Variants in ABCA13 observed in about 807,000 individuals in gnomAD.
ABCA13 encodes the protein ATP-binding cassette sub-family A member 13.
Under a neutral mutation model 478.7 loss-of-function variants are expected in ABCA13, and 476 were observed. The observed-to-expected ratio is 0.99, with a 90% CI of 0.92 to 1.07. ABCA13 has a LOEUF of 1.07. Ranked by LOEUF, ABCA13 falls within the 50% of genes least tolerant of loss-of-function variation. The pLI is 0.00. For missense variants in ABCA13, 6,060 were observed against 5,910.6 expected, an observed-to-expected ratio of 1.03 and a Z score of -0.83; for synonymous variants, 2,252 against 2,158.9, an observed-to-expected ratio of 1.04 and a Z score of -1.20.
chr7:48,500,593 A>G (rs188809310), intron 48 of ABCA13, among the ~76,000 whole-genome samples: 1 of 152,274 alleles, frequency 6.6e-6, no homozygotes, highest in African/African-American at 2.4e-5. Context: ...ACGAATGACT[A>G]TGATTCTAAA....
intron 55 of ABCA13, among the ~76,000 whole-genome samples, chr7:48,560,616 A>G (rs1786359520): frequency 6.6e-6 from 1 of 152,124 alleles, no homozygotes; most frequent in Non-Finnish European, 1.5e-5. Flanking sequence ...TTCCACCTCT[A>G]TTGTGATTTT....
At chr7:48,401,211 G>A (rs576066555) in intron 38 of ABCA13, among the ~76,000 whole-genome samples, 1 of 152,212 alleles carries the variant, frequency 6.6e-6, no homozygotes, top group Non-Finnish European at 1.5e-5. Context: ...AAAGCACTTA[G>A]ACTAGTAGTA....
chr7:48,388,509 C>A (rs1364947882), intron 36 of ABCA13, among the ~76,000 whole-genome samples: 1 of 152,210 alleles, frequency 6.6e-6, no homozygotes, highest in Non-Finnish European at 1.5e-5. Context: ...CAGGGCACCT[C>A]TGCCAAAGGA....
intron 6 of ABCA13, among the ~76,000 whole-genome samples, chr7:48,228,211 C>T (rs1216266432): frequency 2.6e-5 from 4 of 152,220 alleles, no homozygotes; most frequent in Admixed American, 6.5e-5. Flanking sequence ...GGGCCCTGTC[C>T]TGGGGCCTGT....
Position 48,613,578 on chromosome 7 carries a change from T to C in ABCA13, c.14745-1707T>C, listed in dbSNP as rs575363158. On this transcript the variant is annotated intron_variant, in intron 58 of 61. Coordinates refer to ENST00000435803, the MANE Select transcript of ABCA13 (RefSeq NM_152701.5). ...TTCCATTGCTTTTCTGCTTAGAAAA[T>C]ATCTTCCCATATTCAAATCATTATG... 9.1e-5 allele frequency among the ~76,000 whole-genome samples: 13 copies of C among 142,944 alleles called. No individual in the cohort carries two copies. In the Admixed American group the frequency reaches 9.8e-4, roughly 11 times the overall value. 93.8% of individuals were successfully genotyped at this position (142,944 alleles called of 152,430 possible).
intron 58 of ABCA13, among the ~76,000 whole-genome samples, chr7:48,608,135 C>T (rs1195445118): frequency 1.3e-5 from 2 of 152,228 alleles, no homozygotes; most frequent in Admixed American, 1.3e-4. Context: ...CCCACCTCGG[C>T]TTCCCAAAGT....
chr7:48,360,164 ATATCTCC>A (rs1326569259), intron 31 of ABCA13, among the ~76,000 whole-genome samples: 1 of 150,292 alleles, frequency 6.7e-6, no homozygotes, highest in African/African-American at 2.5e-5. Context: ...TACATTAGGT[ATATCTCC>A]TAATGCTATC....
rs369436083 is a variant in ABCA13, at chr7:48,544,154, A to G, written c.14354+15809A>G. Among the ~76,000 whole-genome samples, 3 of 151,832 alleles carry G rather than the reference A, an allele frequency of 2.0e-5. No individual in the cohort carries two copies. The South Asian group carries it at 6.2e-4, about 32-fold the overall frequency. ...CATTACTAGATAAGAATTATCTAAA[A>G]CGATTATATTAGTACCTATCTGAGG... On this transcript the variant is annotated intron_variant, in intron 55 of 61. Transcript: ENST00000435803.
intron 5 of ABCA13, among the ~76,000 whole-genome samples, chr7:48,225,191 T>C (rs1164560753): frequency 1.3e-5 from 2 of 149,316 alleles, no homozygotes; most frequent in African/African-American, 4.9e-5. Flanking sequence ...CTTCCTTCCT[T>C]CTTTGCTTCC....
rs1425060928 is a variant in ABCA13 at position 48,433,272 on chromosome 7, C to CT, written c.12565+5404dup. 6.6e-5 allele frequency among the ~76,000 whole-genome samples: 10 copies of CT among 151,734 alleles called. No homozygotes were observed. The East Asian group carries it at 1.9e-3, about 29-fold the overall frequency. On this transcript the variant is annotated intron_variant, in intron 42 of 61. Transcript: ENST00000435803. ...AAGGATTCTATAGCCCCCTTGAGAT[C>CT]TTTGGTAGATTTGCACTATGTGAAT... is the stretch of plus-strand genomic sequence containing the variant.
intron 43 of ABCA13, among the ~76,000 whole-genome samples, chr7:48,455,927 C>T (rs933313966): frequency 3.3e-5 from 5 of 152,230 alleles, no homozygotes; most frequent in Non-Finnish European, 5.9e-5. Context: ...AGATAGAAAC[C>T]GATCCCCTAA....
chr7:48,267,711 A>T (rs537360751), intron 15 of ABCA13, among the ~76,000 whole-genome samples: 7 of 152,206 alleles, frequency 4.6e-5, no homozygotes, highest in South Asian at 2.1e-4. Flanking sequence ...AGTAAATAAC[A>T]TAAACCATTT....
At chr7:48,468,747 G>A (rs1216110458) in intron 44 of ABCA13, among the ~76,000 whole-genome samples, 1 of 152,108 alleles carries the variant, frequency 6.6e-6, no homozygotes, top group Non-Finnish European at 1.5e-5. Flanking sequence ...TAATACATTA[G>A]ATTCTACTGA....
chr7:48,539,625 A>G (rs1032621979), intron 55 of ABCA13, among the ~76,000 whole-genome samples: 1 of 152,228 alleles, frequency 6.6e-6, no homozygotes, highest in Non-Finnish European at 1.5e-5. Flanking sequence ...TAGAATTAGA[A>G]TGTATCACAA....
intron 5 of ABCA13, among the ~76,000 whole-genome samples, chr7:48,222,134 A>G (rs1472722133): frequency 6.6e-6 from 1 of 152,228 alleles, no homozygotes; most frequent in Non-Finnish European, 1.5e-5. Flanking sequence ...CAAGAATGTC[A>G]GTGCATCCAT....
chr7:48,313,006 C>T (rs758495605), intron 24 of ABCA13, 61 bp from the exon 25 acceptor site: 143 of 1,438,362 alleles, frequency 9.9e-5, no homozygotes, highest in Non-Finnish European at 1.3e-4. Context: ...AAAGATGCTT[C>T]TGAGTGTAAA....
chr7:48,451,836 G>C (rs1210197982), intron 42 of ABCA13, among the ~76,000 whole-genome samples: 1 of 152,144 alleles, frequency 6.6e-6, no homozygotes, highest in Non-Finnish European at 1.5e-5. Flanking sequence ...AAATTCTTTG[G>C]ACATTTTTCC....
At chr7:48,513,234 A>G (rs1321655322) in intron 51 of ABCA13, among the ~76,000 whole-genome samples, 1 of 152,226 alleles carries the variant, frequency 6.6e-6, no homozygotes, top group East Asian at 1.9e-4. Flanking sequence ...GCTGAAACCT[A>G]AGAGCACGTC....
In ABCA13 at chr7:48,276,444, A is replaced by G. The variant is rs770312852; in HGVS notation, c.6778A>G (p.Ile2260Val). The G allele has an allele frequency of 4.7e-5, 74 of 1,590,536 alleles. No individual in the cohort carries two copies. Among genetic ancestry groups the G allele is most frequent in the Non-Finnish European group, 5.7e-5 (67 of 1,169,368 alleles). Reference sequence around the variant, plus strand: ...GAAAACAGTTCTCTCTCTGAGAAGCATAGTAGATTTCACAGAACAGTTTTT... The same window carrying G: ...GAAAACAGTTCTCTCTCTGAGAAGCGTAGTAGATTTCACAGAACAGTTTTT... ...SRKTVLSLRS[I>V]VDFTEQFLKT... The change falls in exon 17 of 62, where the codon ATA becomes GTA. Residue 2260 changes from isoleucine (I) to valine (V), a missense_variant. Transcript: ENST00000435803.
Sources: allele counts gnomAD v4.1 joint callset (sites outside exome capture counted in the v4.1 genomes callset), GRCh38; gene constraint gnomAD v4.1.1; transcripts MANE v1.5; gene names NCBI Gene and HGNC (gene_info 2026-07-23, HGNC 2026-07-21).